The following MIGA1 variants were observed in gnomAD, a reference collection of about 807,000 sequenced individuals.
MIGA1 encodes the protein family with sequence similarity 73, member A.
A neutral mutation model predicts 82.0 loss-of-function variants in MIGA1; 58 were observed. The ratio of observed to expected loss-of-function variants is 0.71; its 90% confidence interval spans 0.57 to 0.88. MIGA1 has a LOEUF of 0.88. MIGA1 is among the 40% of genes least tolerant of loss of function. The pLI is 0.00. For synonymous variants in MIGA1, 249 were observed against 253.6 expected, an observed-to-expected ratio of 0.98 and a Z score of 0.17; for missense variants, 751 against 749.1, an observed-to-expected ratio of 1.00 and a Z score of -0.03.
At chr1:77,859,191 G>A in intron 9 of MIGA1, 123 bp from the exon 10 acceptor site, 1 of 983,346 alleles carries the variant, frequency 1.0e-6, no homozygotes. Context: ...TACATGTTCT[G>A]TCAGTATTGA....
intron 13 of MIGA1, among the ~76,000 whole-genome samples, chr1:77,864,723 C>T (rs1330851332): frequency 6.6e-6 from 1 of 152,162 alleles, no homozygotes; most frequent in African/African-American, 2.4e-5. Context: ...ACATATACAT[C>T]TGTCTGTGAA....
intron 7 of MIGA1, among the ~76,000 whole-genome samples, chr1:77,824,576 AATATTTTTG>A (rs373000590): frequency 9.9e-4 from 151 of 152,290 alleles, no homozygotes; most frequent in African/African-American, 3.4e-3. Context: ...TAAAATAGGA[AATATTTTTG>A]ATATTTTGGA....
chr1:77,796,628 G>GT (rs1289681165), intron 2 of MIGA1, among the ~76,000 whole-genome samples: 2 of 152,168 alleles, frequency 1.3e-5, no homozygotes, highest in African/African-American at 2.4e-5. Flanking sequence ...ACAGGTTACA[G>GT]TATTTATGTC....
rs1646916696 is a variant in MIGA1, at chr1:77,879,093, T to C, written c.*4029T>C. On this transcript the variant is annotated 3_prime_UTR_variant, in exon 16 of 16. Transcript: ENST00000370791. ...CATTTAATGTACTTCTCTATAACTTTTCATAATCAGAAATTTTAAATTATG... is the reference window on the plus strand; with the variant it reads ...CATTTAATGTACTTCTCTATAACTTCTCATAATCAGAAATTTTAAATTATG... The C allele has an allele frequency of 5.6e-6, 1 of 179,382 alleles. No homozygotes were observed. Among genetic ancestry groups the C allele is most frequent in the Non-Finnish European group, 1.2e-5 (1 of 86,246 alleles). 11.1% of individuals were successfully genotyped at this position (179,382 alleles called of 1,614,324 possible).
At chr1:77,848,436 G>T (rs1165823535) in intron 8 of MIGA1, 1 of 933,986 alleles carries the variant, frequency 1.1e-6, no homozygotes, top group Non-Finnish European at 1.7e-6. Flanking sequence ...TAAATACAGA[G>T]ATAGAGAAAA....
chr1:77,799,970 G>A (rs1570933082), intron 2 of MIGA1, among the ~76,000 whole-genome samples: 3 of 151,714 alleles, frequency 2.0e-5, no homozygotes, highest in South Asian at 2.1e-4. Flanking sequence ...ATCTTAAGTC[G>A]AAAGCTTAGA....
rs1183463019 is a variant in MIGA1 at position 77,877,589 on chromosome 1, G to C, written c.*2525G>C. ...TGCACGTGCATTTCATTACCATGTAGACAAGACAGTTATTGCTTATAGTAA... is the reference window on the plus strand; with the variant it reads ...TGCACGTGCATTTCATTACCATGTACACAAGACAGTTATTGCTTATAGTAA... On this transcript the variant is annotated 3_prime_UTR_variant, in exon 16 of 16. Coordinates refer to ENST00000370791, the MANE Select transcript of MIGA1 (RefSeq NM_198549.4). 1 of 152,614 alleles carries C rather than the reference G, an allele frequency of 6.6e-6. No individual in the cohort carries two copies. Among genetic ancestry groups the C allele is most frequent in the Non-Finnish European group, 1.5e-5 (1 of 68,036 alleles). The allele number at this position is 152,614 out of a possible 1,614,324, so 9.5% of individuals were successfully genotyped here. A position where few individuals can be genotyped will look rare whatever the true frequency, so the allele number is the denominator to read the frequency against.
chr1:77,794,926 C>T (rs895577258), intron 2 of MIGA1, among the ~76,000 whole-genome samples: 1 of 152,046 alleles, frequency 6.6e-6, no homozygotes, highest in Non-Finnish European at 1.5e-5. Context: ...TGTAAGATAT[C>T]TTACTTTAGT....
intron 12 of MIGA1, chr1:77,861,616 G>A (rs551610219): frequency 6.0e-6 from 2 of 331,744 alleles, no homozygotes; most frequent in Admixed American, 9.4e-5. Context: ...CAGGCCCCTA[G>A]CAGGACAGGA....
At chr1:77,833,748 C>T (rs555687293) in intron 7 of MIGA1, among the ~76,000 whole-genome samples, 1 of 152,274 alleles carries the variant, frequency 6.6e-6, no homozygotes, top group East Asian at 1.9e-4. Context: ...ACCTCGTGGC[C>T]CTGCTCAAGT....
chr1:77,819,809 T>C (rs1444847095), intron 7 of MIGA1, among the ~76,000 whole-genome samples: 1 of 152,118 alleles, frequency 6.6e-6, no homozygotes, highest in Non-Finnish European at 1.5e-5. Context: ...CTCAAACTCC[T>C]TGGCTCAAAT....
chr1:77,789,983 G>T (rs1450749597), intron 2 of MIGA1, among the ~76,000 whole-genome samples: 1 of 152,076 alleles, frequency 6.6e-6, no homozygotes, highest in East Asian at 1.9e-4. Flanking sequence ...AACTAGGTTG[G>T]TACAGCTTAT....
At chr1:77,807,830 C>CT (rs929420816) in intron 5 of MIGA1, among the ~76,000 whole-genome samples, 9 of 151,738 alleles carry the variant, frequency 5.9e-5, no homozygotes, top group Non-Finnish European at 7.4e-5. Flanking sequence ...CCCTCTCTCT[C>CT]TTTTTTTTGA....
At chr1:77,793,453 T>C (rs1405051948) in intron 2 of MIGA1, among the ~76,000 whole-genome samples, 1 of 151,800 alleles carries the variant, frequency 6.6e-6, no homozygotes, top group African/African-American at 2.4e-5. Context: ...TGTTTGTTTG[T>C]TTGCTTGTTT....
At chr1:77,829,070 TTTG>T (rs1684139214) in intron 7 of MIGA1, among the ~76,000 whole-genome samples, 1 of 152,210 alleles carries the variant, frequency 6.6e-6, no homozygotes, top group African/African-American at 2.4e-5. Context: ...AGATAATTCT[TTTG>T]TATTTTCCTT....
chr1:77,813,187 G>T (rs1683414977), intron 5 of MIGA1, among the ~76,000 whole-genome samples: 1 of 151,996 alleles, frequency 6.6e-6, no homozygotes, highest in South Asian at 2.1e-4. Flanking sequence ...TTACCATGTT[G>T]GCCAGGCTGG....
chr1:77,868,859 T>C (rs1216015010), intron 14 of MIGA1, among the ~76,000 whole-genome samples: 1 of 152,226 alleles, frequency 6.6e-6, no homozygotes, highest in Non-Finnish European at 1.5e-5. Context: ...TAAAATGATG[T>C]TAACATGACA....
At chr1:77,838,743 C>T (rs916715974) in intron 7 of MIGA1, among the ~76,000 whole-genome samples, 42 of 152,266 alleles carry the variant, frequency 2.8e-4, no homozygotes, top group Admixed American at 5.9e-4. Context: ...CCACTGCACC[C>T]GGTCACCTTC....
chr1:77,781,303 A>G (rs1681905797), intron 1 of MIGA1, among the ~76,000 whole-genome samples: 1 of 152,222 alleles, frequency 6.6e-6, no homozygotes, highest in Non-Finnish European at 1.5e-5. Context: ...GGAATGCTCC[A>G]TTATAGGGAA....
Sources: gnomAD v4.1 joint callset for allele counts (sites outside exome capture counted in the v4.1 genomes callset) on GRCh38, gnomAD v4.1.1 for gene constraint, MANE v1.5 for transcripts, NCBI Gene and HGNC (gene_info 2026-07-23, HGNC 2026-07-21) for gene names.